Variants in GRID2 observed in about 807,000 individuals in gnomAD.
GRID2 encodes the protein glutamate receptor ionotropic, delta-2.
In GRID2, 33 loss-of-function variants were observed where a neutral mutation model predicts 114.8. The observed-to-expected ratio is 0.29, with a 90% confidence interval of 0.22 to 0.38. The LOEUF (loss-of-function observed/expected upper bound fraction) is 0.38, where lower values mean the gene tolerates loss of function less well. Among genes scored for constraint, GRID2 ranks in the 10% least tolerant of loss-of-function variants. The pLI, the probability that GRID2 is intolerant of heterozygous loss-of-function variation, is 1.00. For missense variants in GRID2, 1,184 were observed against 1,257.7 expected, an observed-to-expected ratio of 0.94 and a Z score of 0.89; for synonymous variants, 505 against 449.9, an observed-to-expected ratio of 1.12 and a Z score of -1.55.
intron 8 of GRID2, among the ~76,000 whole-genome samples, chr4:93,273,631 T>C (rs1751743048): frequency 6.6e-6 from 1 of 151,926 alleles, no homozygotes; most frequent in Non-Finnish European, 1.5e-5. Flanking sequence ...GCCAGAGTGA[T>C]AACATGGGAC....
intron 14 of GRID2, among the ~76,000 whole-genome samples, chr4:93,685,120 T>C (rs1481544943): frequency 6.6e-6 from 1 of 152,090 alleles, no homozygotes; most frequent in Admixed American, 6.6e-5. Flanking sequence ...GGCTTATGAC[T>C]ATAAGGACTC....
At chr4:93,768,819 A>C (rs1733883989) in intron 14 of GRID2, among the ~76,000 whole-genome samples, 1 of 152,218 alleles carries the variant, frequency 6.6e-6, no homozygotes, top group Non-Finnish European at 1.5e-5. Context: ...GATGTAGGAA[A>C]GGGACACAGA....
chr4:92,918,985 CT>C (rs1239684202), intron 2 of GRID2, among the ~76,000 whole-genome samples: 7 of 152,052 alleles, frequency 4.6e-5, no homozygotes, highest in African/African-American at 1.7e-4. Flanking sequence ...TGGTCCTGGA[CT>C]TTTTTTGGTT....
intron 15 of GRID2, among the ~76,000 whole-genome samples, chr4:93,771,353 C>G (rs772433127): frequency 6.6e-6 from 1 of 152,132 alleles, no homozygotes; most frequent in Non-Finnish European, 1.5e-5. Context: ...GTTTTGAGGT[C>G]AGTTAGCATA....
intron 1 of GRID2, among the ~76,000 whole-genome samples, chr4:93,795,067 T>A (rs561269238): frequency 1.3e-5 from 2 of 152,254 alleles, no homozygotes; most frequent in East Asian, 1.9e-4. Context: ...CTTTTTCACA[T>A]AAGAAGATAT....
chr4:92,945,805 G>A (rs565947132), intron 2 of GRID2, among the ~76,000 whole-genome samples: 2 of 152,130 alleles, frequency 1.3e-5, no homozygotes, highest in South Asian at 2.1e-4. Context: ...CTTATTTTCA[G>A]CCTTTTTACT....
At chr4:93,582,489 C>G (rs1356086326) in intron 13 of GRID2, among the ~76,000 whole-genome samples, 1 of 152,134 alleles carries the variant, frequency 6.6e-6, no homozygotes, top group Non-Finnish European at 1.5e-5. Flanking sequence ...TTCTGCCCAC[C>G]ACACTGCCCT....
In GRID2 at chr4:93,746,667, T is replaced by C. The variant is rs546180940; in HGVS notation, c.2361-22543T>C. On this transcript the variant is annotated intron_variant, in intron 14 of 15. Transcript: ENST00000282020. The stretch of plus-strand genomic sequence containing the variant: ...TCAAAGCATTTTGGTAGTCGTATTT[T>C]TATGTTTGATATGAACATTATTTAA... Among the ~76,000 whole-genome samples the C allele has an allele frequency of 6.6e-5, 10 of 152,288 alleles. 1 individual carries two copies. In the South Asian group the frequency reaches 2.1e-3, roughly 32 times the overall value.
At chr4:92,798,196 C>T (rs551972060) in intron 2 of GRID2, among the ~76,000 whole-genome samples, 3 of 152,030 alleles carry the variant, frequency 2.0e-5, no homozygotes, top group South Asian at 4.1e-4. Context: ...ATTTCAGACA[C>T]GTTAACATGT....
At position 93,079,343 on chromosome 4, in the gene GRID2, C is replaced by A. The variant is rs1311095958; in HGVS notation, c.245-5652C>A. 2.0e-5 allele frequency among the ~76,000 whole-genome samples: 3 copies of A among 151,566 alleles called. No homozygotes were observed. The East Asian group carries it at 5.8e-4, about 29-fold the overall frequency. ...CTATAGAGAATCAATGTTTTAATAC[C>A]AAACTAAAAATTTTTTAAAAGAGAA... On this transcript the variant is annotated intron_variant, in intron 2 of 15. Coordinates refer to ENST00000282020, the MANE Select transcript of GRID2 (RefSeq NM_001510.4).
Position 93,259,282 on chromosome 4 carries a change from A to G in GRID2, c.1245+20792A>G, listed in dbSNP as rs145339286. 6.6e-5 allele frequency among the ~76,000 whole-genome samples: 10 copies of G among 151,934 alleles called. No individual in the cohort carries two copies. The East Asian group carries it at 1.7e-3, about 26-fold the overall frequency. Reference sequence around the variant, plus strand: ...AAGGGATTTAACTTGTCACTAGAATATCATTTAATGGTATTGCTGTAAATA... The same window carrying G: ...AAGGGATTTAACTTGTCACTAGAATGTCATTTAATGGTATTGCTGTAAATA... On this transcript the variant is annotated intron_variant, in intron 8 of 15. Coordinates refer to ENST00000282020, the MANE Select transcript of GRID2 (RefSeq NM_001510.4).
At chr4:92,313,911 A>C (rs1324127840) in intron 1 of GRID2, among the ~76,000 whole-genome samples, 1 of 152,002 alleles carries the variant, frequency 6.6e-6, no homozygotes, top group Non-Finnish European at 1.5e-5. Flanking sequence ...AAGGAAGGGG[A>C]TATTAGGTTA....
At chr4:92,592,600 A>G (rs140543415) in intron 2 of GRID2, among the ~76,000 whole-genome samples, 22 of 152,244 alleles carry the variant, frequency 1.4e-4, no homozygotes, top group African/African-American at 4.6e-4. Context: ...TAAGGTTCCC[A>G]GATAGAGACC....
chr4:93,065,788 C>T (rs1435724894), intron 2 of GRID2, among the ~76,000 whole-genome samples: 1 of 151,762 alleles, frequency 6.6e-6, no homozygotes, highest in Non-Finnish European at 1.5e-5. Flanking sequence ...GTTCATTTTT[C>T]CTTATGGTTC....
chr4:92,588,742 G>T, intron 1 of GRID2, among the ~76,000 whole-genome samples: 1 of 151,156 alleles, frequency 6.6e-6, no homozygotes, highest in East Asian at 1.9e-4. Flanking sequence ...GCCATGGACA[G>T]GTATTCAAAA....
intron 1 of GRID2, among the ~76,000 whole-genome samples, chr4:92,444,674 T>A (rs1183710000): frequency 6.6e-6 from 1 of 152,134 alleles, no homozygotes; most frequent in African/African-American, 2.4e-5. Flanking sequence ...ATGGATATAA[T>A]GTAAAAAGGG....
At chr4:93,680,063 C>G (rs1725355271) in intron 14 of GRID2, among the ~76,000 whole-genome samples, 1 of 151,032 alleles carries the variant, frequency 6.6e-6, no homozygotes, top group South Asian at 2.1e-4. Flanking sequence ...AGAGAAGAAT[C>G]AAATAGATGC....
chr4:92,341,134 C>T (rs1434431040), intron 1 of GRID2, among the ~76,000 whole-genome samples: 7 of 151,978 alleles, frequency 4.6e-5, no homozygotes, highest in East Asian at 1.9e-4. Context: ...TATATAAAAG[C>T]GCAGTAAGCT....
intron 2 of GRID2, among the ~76,000 whole-genome samples, chr4:92,667,386 T>C (rs2149273573): frequency 6.6e-6 from 1 of 151,826 alleles, no homozygotes; most frequent in African/African-American, 2.4e-5. Flanking sequence ...TTATTGTAAT[T>C]ATACTTTCAT....
Sources: allele counts gnomAD v4.1 joint callset (sites outside exome capture counted in the v4.1 genomes callset), GRCh38; gene constraint gnomAD v4.1.1; transcripts MANE v1.5; gene names NCBI Gene and HGNC (gene_info 2026-07-23, HGNC 2026-07-21).